The following GRIP1 variants were observed in gnomAD, a reference collection of about 807,000 sequenced individuals.
GRIP1 encodes glutamate receptor-interacting protein 1.
Under a neutral mutation model 129.9 loss-of-function variants are expected in GRIP1, and 45 were observed. The ratio of observed to expected loss-of-function variants is 0.35; its 90% CI spans 0.27 to 0.44. The LOEUF is 0.44. Ranked by LOEUF, GRIP1 falls within the 20% of genes least tolerant of loss-of-function variation. The pLI is 1.00. For missense variants in GRIP1, 1,196 were observed against 1,396.8 expected, an observed-to-expected ratio of 0.86 and a Z score of 2.29; for synonymous variants, 530 against 520.8, an observed-to-expected ratio of 1.02 and a Z score of -0.24.
intron 1 of GRIP1, among the ~76,000 whole-genome samples, chr12:66,859,876 G>A (rs1248915566): frequency 1.3e-5 from 2 of 151,952 alleles, no homozygotes; most frequent in Non-Finnish European, 2.9e-5. Flanking sequence ...AGCATTAATA[G>A]ATAGTCCTGT....
At chr12:66,735,396 A>G (rs942467791) in intron 1 of GRIP1, among the ~76,000 whole-genome samples, 6 of 152,226 alleles carry the variant, frequency 3.9e-5, no homozygotes, top group Non-Finnish European at 8.8e-5. Flanking sequence ...TTATAGGAAC[A>G]AAGTCACTAA....
chr12:66,706,731 C>T (rs2035540966), intron 1 of GRIP1, among the ~76,000 whole-genome samples: 1 of 151,964 alleles, frequency 6.6e-6, no homozygotes, highest in Non-Finnish European at 1.5e-5. Flanking sequence ...AGGGATGAAG[C>T]CGGAAGCCAT....
chr12:66,549,109 C>T (rs2062040716), intron 2 of GRIP1, among the ~76,000 whole-genome samples: 1 of 152,126 alleles, frequency 6.6e-6, no homozygotes, highest in Non-Finnish European at 1.5e-5. Flanking sequence ...TTTTGAAATG[C>T]TGGTGTCAAC....
chr12:66,626,125 G>A (rs902203817), intron 1 of GRIP1, among the ~76,000 whole-genome samples: 2 of 152,032 alleles, frequency 1.3e-5, no homozygotes, highest in Non-Finnish European at 2.9e-5. Flanking sequence ...AGGAGTTGGG[G>A]ACCAGTCTGG....
intron 1 of GRIP1, among the ~76,000 whole-genome samples, chr12:66,696,804 C>CAAAAAAAAAA (rs35445606): frequency 9.6e-5 from 10 of 103,750 alleles, no homozygotes; most frequent in African/African-American, 4.0e-4. Flanking sequence ...GACTCTGTCT[C>CAAAAAAAAAA]AAAAAAAAAA....
chr12:66,386,108 C>G (rs2056346734), intron 19 of GRIP1, among the ~76,000 whole-genome samples: 1 of 152,064 alleles, frequency 6.6e-6, no homozygotes, highest in Non-Finnish European at 1.5e-5. Context: ...TTTATTTGCA[C>G]AAGTGGAAAA....
intron 1 of GRIP1, among the ~76,000 whole-genome samples, chr12:66,715,471 T>TGTGTGTGTGTGTGTGAGAGA (rs761155485): frequency 1.3e-3 from 146 of 110,104 alleles, no homozygotes; most frequent in Middle Eastern, 4.7e-3. Context: ...TGTGTGTGTG[T>TGTGTGTGTGTGTGTGAGAGA]GAGAGAGAGA....
rs145011255 is a variant in GRIP1 at position 66,352,486 on chromosome 12, A to G, written c.3159+931T>C. Among the ~76,000 whole-genome samples, 535 of 152,280 alleles carry G rather than the reference A, an allele frequency of 3.5e-3. 3 individuals carry two copies. Among genetic ancestry groups the G allele is most frequent in the Middle Eastern group, 0.014 (4 of 294 alleles). Reference sequence around the variant, plus strand: ...AGTGGCTCACACCTATAATCCCAGCACTTTGGGAGGCCGAGGTGGGTGGAT... The same window carrying G: ...AGTGGCTCACACCTATAATCCCAGCGCTTTGGGAGGCCGAGGTGGGTGGAT... On this transcript the variant is annotated intron_variant, in intron 24 of 24. Transcript: ENST00000359742.
At chr12:66,937,021 G>A (rs188745833) in intron 1 of GRIP1, among the ~76,000 whole-genome samples, 2 of 152,146 alleles carry the variant, frequency 1.3e-5, no homozygotes, top group East Asian at 3.9e-4. Flanking sequence ...TCTATTTGGA[G>A]GAAAAACCAA....
chr12:66,736,186 G>T (rs1444545933), intron 1 of GRIP1, among the ~76,000 whole-genome samples: 1 of 151,870 alleles, frequency 6.6e-6, no homozygotes, highest in Non-Finnish European at 1.5e-5. Context: ...TTTCTTCAGA[G>T]ACAGGGTCTT....
At chr12:66,349,850 C>T (rs2054141468) in intron 24 of GRIP1, among the ~76,000 whole-genome samples, 1 of 151,850 alleles carries the variant, frequency 6.6e-6, no homozygotes, top group Admixed American at 6.6e-5. Context: ...ATGAGCTTAT[C>T]CCCTCTTCAG....
chr12:66,629,895 G>A (rs2030551477), intron 1 of GRIP1, among the ~76,000 whole-genome samples: 2 of 152,126 alleles, frequency 1.3e-5, no homozygotes, highest in Non-Finnish European at 2.9e-5. Context: ...CCACAAGCCA[G>A]TTTTGGTTCT....
intron 1 of GRIP1, among the ~76,000 whole-genome samples, chr12:66,775,353 G>A (rs1308039886): frequency 6.6e-6 from 1 of 152,212 alleles, no homozygotes. Context: ...CGTGAGAGGA[G>A]TCATCAGTTG....
intron 1 of GRIP1, among the ~76,000 whole-genome samples, chr12:66,724,481 C>A (rs2036190413): frequency 6.6e-6 from 1 of 152,168 alleles, no homozygotes; most frequent in Non-Finnish European, 1.5e-5. Flanking sequence ...AAGCATACAA[C>A]ATTTCAGTGA....
At chr12:66,658,271 C>T (rs2033286252) in intron 1 of GRIP1, among the ~76,000 whole-genome samples, 1 of 152,118 alleles carries the variant, frequency 6.6e-6, no homozygotes, top group Non-Finnish European at 1.5e-5. Flanking sequence ...CTTAATGCAA[C>T]CTAAGCTAAC....
chr12:67,061,725 T>C (rs750440504), intron 1 of GRIP1, among the ~76,000 whole-genome samples: 33 of 152,186 alleles, frequency 2.2e-4, no homozygotes, highest in Admixed American at 9.2e-4. Context: ...ATAAATTGTA[T>C]ATAAATAAAA....
At chr12:66,479,283 A>G (rs975902482) in intron 7 of GRIP1, among the ~76,000 whole-genome samples, 22 of 152,160 alleles carry the variant, frequency 1.4e-4, no homozygotes, top group African/African-American at 4.3e-4. Flanking sequence ...AGAGAATACT[A>G]TAAATACCTC....
intron 1 of GRIP1, among the ~76,000 whole-genome samples, chr12:67,037,001 C>T (rs568644835): frequency 6.6e-6 from 1 of 152,176 alleles, no homozygotes; most frequent in African/African-American, 2.4e-5. Context: ...AATACACATG[C>T]ATACTTAAAT....
intron 2 of GRIP1, among the ~76,000 whole-genome samples, chr12:66,588,708 C>T (rs1259825058): frequency 2.0e-5 from 3 of 152,016 alleles, no homozygotes; most frequent in Non-Finnish European, 2.9e-5. Flanking sequence ...CAGTGGCTTA[C>T]GCTTGTAATC....
Sources: allele counts gnomAD v4.1 joint callset (sites outside exome capture counted in the v4.1 genomes callset), GRCh38; gene constraint gnomAD v4.1.1; transcripts MANE v1.5; gene names NCBI Gene and HGNC (gene_info 2026-07-23, HGNC 2026-07-21).